Variants in SAMD4A observed in about 807,000 individuals in gnomAD.
SAMD4A encodes the protein protein Smaug homolog 1.
A neutral mutation model predicts 81.3 loss-of-function variants in SAMD4A; 33 were observed. The observed-to-expected ratio is 0.41, with a 90% CI of 0.31 to 0.54. The LOEUF (loss-of-function observed/expected upper bound fraction) is 0.54, where lower values mean the gene tolerates loss of function less well. Ranked by LOEUF, SAMD4A falls within the 20% of genes least tolerant of loss-of-function variation. The pLI, the probability that SAMD4A is intolerant of heterozygous loss-of-function variation, is 0.37. For synonymous variants in SAMD4A, 389 were observed against 382.1 expected (o/e 1.02, Z -0.21); for missense variants, 854 against 951.1 (o/e 0.90, Z 1.34).
intron 2 of SAMD4A, among the ~76,000 whole-genome samples, chr14:54,653,336 A>G (rs1009802851): frequency 4.1e-5 from 6 of 145,224 alleles, no homozygotes; most frequent in African/African-American, 1.5e-4. Context: ...TATTATTATT[A>G]TTATTATTAT....
chr14:54,654,023 AAAG>A (rs2035465098), intron 2 of SAMD4A, among the ~76,000 whole-genome samples: 1 of 152,234 alleles, frequency 6.6e-6, no homozygotes, highest in Admixed American at 6.5e-5. Context: ...TTTATTGCCA[AAAG>A]AAGACACAAA....
At position 54,671,070 on chromosome 14, in the gene SAMD4A, A is replaced by G. The variant is rs1488538799; in HGVS notation, c.197-30992A>G. Among the ~76,000 whole-genome samples the G allele has an allele frequency of 3.3e-5, 5 of 152,340 alleles. 1 individual carries two copies. The East Asian group carries it at 5.8e-4, about 18-fold the overall frequency. On this transcript the variant is annotated intron_variant, in intron 2 of 12. Coordinates refer to ENST00000554335, the MANE Select transcript of SAMD4A (RefSeq NM_015589.6). ...GAATCAGACATGGATTCTGTCTTCA[A>G]GAAGCTTACCATCTGCCAGGAAAGA... is the stretch of plus-strand genomic sequence containing the variant.
intron 12 of SAMD4A, among the ~76,000 whole-genome samples, chr14:54,787,043 A>G (rs1341293479): frequency 1.3e-5 from 2 of 152,160 alleles, no homozygotes; most frequent in East Asian, 1.9e-4. Flanking sequence ...CTGCTGGCCA[A>G]CCCCTTCCAG....
At chr14:54,754,978 A>G (rs759921790) in intron 6 of SAMD4A, 3 of 371,798 alleles carry the variant, frequency 8.1e-6, no homozygotes, top group Non-Finnish European at 1.1e-5. Flanking sequence ...TGATCTCACA[A>G]CCCAGTCTGA....
chr14:54,572,212 G>A (rs377213997), intron 2 of SAMD4A, among the ~76,000 whole-genome samples: 127 of 152,296 alleles, frequency 8.3e-4, no homozygotes, highest in African/African-American at 2.7e-3. Context: ...TTGAAGCATA[G>A]ATATGGGGAT....
At chr14:54,627,755 G>A (rs78999643) in intron 2 of SAMD4A, among the ~76,000 whole-genome samples, 7,740 of 152,288 alleles carry the variant, frequency 0.051, 240 homozygotes, top group Middle Eastern at 0.075. Flanking sequence ...CTCTCTGTTA[G>A]TTTATTTGTA....
At chr14:54,629,249 A>T (rs1488979920) in intron 2 of SAMD4A, among the ~76,000 whole-genome samples, 1 of 152,208 alleles carries the variant, frequency 6.6e-6, no homozygotes, top group Non-Finnish European at 1.5e-5. Flanking sequence ...TGGAAGAGGC[A>T]ACGACAGATT....
At chr14:54,688,931 C>CTTTTTT (rs71127666) in intron 2 of SAMD4A, among the ~76,000 whole-genome samples, 2,099 of 115,906 alleles carry the variant, frequency 0.018, 65 homozygotes, top group Admixed American at 0.048. Context: ...AGTCGTAATT[C>CTTTTTT]TTTTTTTTTT....
At chr14:54,650,561 G>A (rs567599899) in intron 2 of SAMD4A, among the ~76,000 whole-genome samples, 2 of 152,268 alleles carry the variant, frequency 1.3e-5, no homozygotes, top group South Asian at 4.1e-4. Flanking sequence ...TCGTGCTTAA[G>A]CAGCTGTTTC....
chr14:54,689,400 T>C (rs1377758392), intron 2 of SAMD4A, among the ~76,000 whole-genome samples: 2 of 152,150 alleles, frequency 1.3e-5, no homozygotes, highest in Non-Finnish European at 2.9e-5. Context: ...AACCACATAG[T>C]ACTCACCATG....
chr14:54,783,003 A>G (rs556191008), intron 11 of SAMD4A, among the ~76,000 whole-genome samples: 1 of 152,206 alleles, frequency 6.6e-6, no homozygotes, highest in Admixed American at 6.5e-5. Context: ...TCAGCATGGA[A>G]CAGGTTCCCA....
At chr14:54,578,640 A>G (rs1004044874) in intron 2 of SAMD4A, among the ~76,000 whole-genome samples, 4 of 152,022 alleles carry the variant, frequency 2.6e-5, no homozygotes, top group Non-Finnish European at 5.9e-5. Context: ...TGAACCGAGG[A>G]GGCGGAGGTT....
chr14:54,749,085 C>G (rs1226663556), intron 5 of SAMD4A, among the ~76,000 whole-genome samples, 161 bp downstream of exon 5: 1 of 152,120 alleles, frequency 6.6e-6, no homozygotes, highest in East Asian at 1.9e-4. Context: ...GTGAGCAAAA[C>G]TGGGTGGATT....
chr14:54,588,438 A>G (rs902566940), intron 2 of SAMD4A, among the ~76,000 whole-genome samples: 1 of 149,436 alleles, frequency 6.7e-6, no homozygotes, highest in Non-Finnish European at 1.5e-5. Flanking sequence ...TTGGGTTTGG[A>G]TTGTTCTTGT....
intron 2 of SAMD4A, among the ~76,000 whole-genome samples, chr14:54,669,713 T>C (rs1247424986): frequency 1.3e-5 from 2 of 152,182 alleles, no homozygotes; most frequent in Non-Finnish European, 2.9e-5. Context: ...TAGCACCTCT[T>C]TTCTCTCACA....
intron 2 of SAMD4A, among the ~76,000 whole-genome samples, chr14:54,569,012 G>A (rs1469251982): frequency 1.3e-5 from 2 of 152,008 alleles, no homozygotes; most frequent in Admixed American, 6.5e-5. Context: ...CTGGAGGGTA[G>A]GAGGAGGCTG....
intron 2 of SAMD4A, among the ~76,000 whole-genome samples, chr14:54,619,448 G>A (rs1004922926): frequency 2.6e-5 from 4 of 152,152 alleles, no homozygotes; most frequent in African/African-American, 9.7e-5. Context: ...TATTCTTAGA[G>A]GGAATGACTA....
At chr14:54,705,387 G>A (rs2036827083) in intron 3 of SAMD4A, among the ~76,000 whole-genome samples, 1 of 152,086 alleles carries the variant, frequency 6.6e-6, no homozygotes, top group Non-Finnish European at 1.5e-5. Context: ...AAATTGGGTT[G>A]GACTTAAGGC....
intron 2 of SAMD4A, among the ~76,000 whole-genome samples, chr14:54,594,505 G>A (rs971207305): frequency 2.6e-5 from 4 of 152,154 alleles, no homozygotes; most frequent in Non-Finnish European, 4.4e-5. Context: ...CAGACCACAT[G>A]CAGTTTCTCC....
Sources: allele counts gnomAD v4.1 joint callset (sites outside exome capture counted in the v4.1 genomes callset), GRCh38; gene constraint gnomAD v4.1.1; transcripts MANE v1.5; gene names NCBI Gene and HGNC (gene_info 2026-07-23, HGNC 2026-07-21).